The following INSL6 variants were observed in gnomAD, a reference collection of about 807,000 sequenced individuals.
INSL6 encodes insulin like 6, also known as insulin-like peptide INSL6.
In INSL6, 16 loss-of-function variants were observed where a neutral mutation model predicts 9.4. That is an observed-to-expected ratio of 1.70 (90% CI 1.15 to 2.59). The LOEUF (loss-of-function observed/expected upper bound fraction) is 2.59. Ranked by LOEUF, INSL6 falls within the 30% of genes most tolerant of loss-of-function variation. The pLI is 0.00. For missense variants in INSL6, 391 were observed against 257.3 expected, an observed-to-expected ratio of 1.52 and a Z score of -3.56; for synonymous variants, 154 against 96.9, an observed-to-expected ratio of 1.59 and a Z score of -3.46.
the INSL6 span, chr9:5,096,846 C>A: frequency 6.6e-6 from 1 of 152,102 alleles, no homozygotes; most frequent in Non-Finnish European, 1.5e-5. Context: ...TGTTACCGCC[C>A]ACGAATTTGT....
intron 1 of INSL6, among the ~76,000 whole-genome samples, chr9:5,172,026 A>AC (rs1055501142): frequency 2.0e-5 from 3 of 152,194 alleles, no homozygotes; most frequent in African/African-American, 7.2e-5. Flanking sequence ...AACAGCCAAG[A>AC]CAATCCTAAG....
the INSL6 span, among the ~76,000 whole-genome samples, chr9:5,082,895 C>T: frequency 6.6e-6 from 1 of 152,250 alleles, no homozygotes; most frequent in African/African-American, 2.4e-5. Context: ...AACAGCATCT[C>T]AGGGCAAAGC....
chr9:5,172,509 C>T (rs1825205540), intron 1 of INSL6, among the ~76,000 whole-genome samples: 1 of 152,196 alleles, frequency 6.6e-6, no homozygotes, highest in South Asian at 2.1e-4. Flanking sequence ...AAACTACCAT[C>T]AGAGTGAACA....
At chr9:5,058,545 C>T in the INSL6 span, among the ~76,000 whole-genome samples, 7 of 152,102 alleles carry the variant, frequency 4.6e-5, no homozygotes, top group South Asian at 2.1e-4. Flanking sequence ...TGGGTGGGGA[C>T]GCAGAGCCAA....
chr9:5,032,694 C>G, the INSL6 span, among the ~76,000 whole-genome samples: 1 of 152,174 alleles, frequency 6.6e-6, no homozygotes, highest in Admixed American at 6.5e-5. Flanking sequence ...TCCTGACTGT[C>G]AGAAGGAAAA....
chr9:5,036,917 G>A, the INSL6 span, among the ~76,000 whole-genome samples: 2 of 152,190 alleles, frequency 1.3e-5, no homozygotes, highest in African/African-American at 4.8e-5. Flanking sequence ...CCATCAGAGT[G>A]AACAGGCAAC....
At chr9:5,096,096 G>T in the INSL6 span, among the ~76,000 whole-genome samples, 23 of 152,206 alleles carry the variant, frequency 1.5e-4, no homozygotes, top group South Asian at 2.1e-3. Context: ...TCAACCTGTA[G>T]TTTTATATAT....
At chr9:5,004,204 A>T in the INSL6 span, among the ~76,000 whole-genome samples, 1 of 152,196 alleles carries the variant, frequency 6.6e-6, no homozygotes, top group Non-Finnish European at 1.5e-5. Flanking sequence ...GGTAATCACC[A>T]TGATGTACAA....
intron 3 of INSL6, chr9:5,126,090 T>G (rs1166364801): frequency 3.0e-6 from 1 of 331,532 alleles, no homozygotes; most frequent in African/African-American, 2.1e-5. Flanking sequence ...TTAGTTCATG[T>G]GTTTTGAGCC....
At chr9:5,167,690 G>A (rs147381459) in intron 1 of INSL6, among the ~76,000 whole-genome samples, 1 of 152,336 alleles carries the variant, frequency 6.6e-6, no homozygotes, top group African/African-American at 2.4e-5. Context: ...CCTGCCTACT[G>A]GCTCTGGAGA....
the INSL6 span, among the ~76,000 whole-genome samples, chr9:5,007,475 A>G: frequency 1.3e-5 from 2 of 152,236 alleles, no homozygotes; most frequent in East Asian, 3.9e-4. Context: ...AATTTCCATT[A>G]ATTCAAATGC....
chr9:5,054,662 G>C, the INSL6 span: 1 of 1,613,224 alleles, frequency 6.2e-7, no homozygotes, highest in Non-Finnish European at 8.5e-7. The surrounding 1 kb of genome is among the most constrained non-coding windows in gnomAD (Gnocchi z 4.9). Flanking sequence ...GATTTATTCA[G>C]CAATTCAGCC....
chr9:5,031,096 C>T, the INSL6 span, among the ~76,000 whole-genome samples: 1 of 152,022 alleles, frequency 6.6e-6, no homozygotes. Flanking sequence ...AGAATTAGGA[C>T]ATAACATTGG....
At chr9:5,055,730 A>T in the INSL6 span, 1 of 1,608,840 alleles carries the variant, frequency 6.2e-7, no homozygotes, top group Non-Finnish European at 8.5e-7. Flanking sequence ...CAAGCAAACC[A>T]AGAGGGTTCA....
the INSL6 span, among the ~76,000 whole-genome samples, chr9:5,046,617 A>G: frequency 3.7e-4 from 57 of 152,300 alleles, 1 homozygote; most frequent in African/African-American, 1.3e-3. Flanking sequence ...GCTTGTGAAT[A>G]TCCAGTTTTC....
At chr9:5,002,314 T>C in the INSL6 span, among the ~76,000 whole-genome samples, 2 of 151,986 alleles carry the variant, frequency 1.3e-5, no homozygotes. Flanking sequence ...ATTTTAGCTG[T>C]ATTCCCCCAA....
intron 1 of INSL6, among the ~76,000 whole-genome samples, chr9:5,175,001 G>A (rs546542098): frequency 7.3e-5 from 11 of 151,196 alleles, no homozygotes; most frequent in South Asian, 2.1e-4. Flanking sequence ...GTGCCGTGGC[G>A]TTATCTCGGC....
chr9:5,024,263 A>T, the INSL6 span, among the ~76,000 whole-genome samples: 1 of 152,144 alleles, frequency 6.6e-6, no homozygotes, highest in East Asian at 1.9e-4. Flanking sequence ...CTCAAAAAAA[A>T]ATTTTTTTTT....
the INSL6 span, chr9:5,050,553 G>A: frequency 1.2e-6 from 1 of 829,578 alleles, no homozygotes; most frequent in Non-Finnish European, 1.8e-6. Flanking sequence ...TTACAGGCAT[G>A]AGCCACTGAG....
Sources: gnomAD v4.1 joint callset for allele counts (sites outside exome capture counted in the v4.1 genomes callset) on GRCh38, gnomAD v4.1.1 for gene constraint, Gnocchi (gnomAD v3.1) non-coding constraint, MANE v1.5 for transcripts, NCBI Gene and HGNC (gene_info 2026-07-23, HGNC 2026-07-21) for gene names.